Variants in HDAC9 observed in about 807,000 individuals in gnomAD.
HDAC9 encodes the protein MEF-2 interacting transcription repressor (MITR) protein.
Under a neutral mutation model 139.4 loss-of-function variants are expected in HDAC9, and 41 were observed. That is an observed-to-expected ratio of 0.29 (90% CI 0.23 to 0.38). The LOEUF is 0.38. Among genes scored for constraint, HDAC9 ranks in the 10% least tolerant of loss-of-function variants. The pLI is 1.00. For synonymous variants in HDAC9, 517 were observed against 476.2 expected (o/e 1.09, Z -1.12); for missense variants, 1,147 against 1,297.0 (o/e 0.88, Z 1.78).
chr7:18,669,456 C>T (rs1047033002), intron 12 of HDAC9, among the ~76,000 whole-genome samples: 9 of 151,728 alleles, frequency 5.9e-5, no homozygotes, highest in African/African-American at 1.7e-4. Context: ...GCAACTCTGC[C>T]GTATTCTAAG....
At chr7:18,354,350 C>T (rs1320137104) in intron 1 of HDAC9, among the ~76,000 whole-genome samples, 1 of 152,082 alleles carries the variant, frequency 6.6e-6, no homozygotes, top group African/African-American at 2.4e-5. Context: ...ATATGCAGGC[C>T]AGTCTTTACC....
Position 18,337,317 on chromosome 7 carries a change from C to G in HDAC9, c.-42+46802C>G, listed in dbSNP as rs957571722. 1.8e-3 allele frequency among the ~76,000 whole-genome samples: 270 copies of G among 151,702 alleles called. 3 individuals carry two copies. Among genetic ancestry groups the G allele is most frequent in the African/African-American group, 6.2e-3 (258 of 41,450 alleles). ...TTGGATAAAGAATCTCCAAAATATG[C>G]TTTAGCACTTTGAGTTAGCCTCTGT... On this transcript the variant is annotated intron_variant, in intron 1 of 3. Transcript: ENST00000413509.
At chr7:18,767,588 A>T (rs766963735) in intron 16 of HDAC9, among the ~76,000 whole-genome samples, 55 of 152,162 alleles carry the variant, frequency 3.6e-4, no homozygotes, top group Non-Finnish European at 4.0e-4. Flanking sequence ...AAACTTCACA[A>T]AGTGCTTTGC....
At chr7:18,832,437 A>G (rs1045216442) in intron 19 of HDAC9, among the ~76,000 whole-genome samples, 3 of 152,226 alleles carry the variant, frequency 2.0e-5, no homozygotes, top group African/African-American at 4.8e-5. Flanking sequence ...GTGAAAATAT[A>G]CAGGTTCTAA....
intron 6 of HDAC9, among the ~76,000 whole-genome samples, chr7:18,615,174 G>A (rs1158617590): frequency 6.6e-6 from 1 of 152,106 alleles, no homozygotes; most frequent in Non-Finnish European, 1.5e-5. Flanking sequence ...GACTGGAATT[G>A]TATCTCATAC....
chr7:18,437,149 C>T (rs1298704865), intron 1 of HDAC9, among the ~76,000 whole-genome samples: 1 of 152,036 alleles, frequency 6.6e-6, no homozygotes, highest in East Asian at 1.9e-4. Context: ...AAATGGTCTG[C>T]AGAAAGTAGC....
At chr7:18,357,615 T>C (rs566614157) in intron 1 of HDAC9, among the ~76,000 whole-genome samples, 4 of 151,422 alleles carry the variant, frequency 2.6e-5, no homozygotes, top group Non-Finnish European at 5.9e-5. Context: ...AAAAGGTCAG[T>C]AAGTATATAT....
intron 12 of HDAC9, among the ~76,000 whole-genome samples, chr7:18,719,788 G>C (rs1262779789): frequency 6.6e-6 from 1 of 152,138 alleles, no homozygotes; most frequent in Non-Finnish European, 1.5e-5. Context: ...TTTGTGTATG[G>C]CATGAGGAAT....
chr7:18,637,486 A>G (rs1320952738), intron 8 of HDAC9, among the ~76,000 whole-genome samples: 1 of 152,096 alleles, frequency 6.6e-6, no homozygotes, highest in African/African-American at 2.4e-5. Flanking sequence ...TCTCACTGCA[A>G]ACCTTTCCTT....
At chr7:18,130,531 A>G (rs964130974) in intron 1 of HDAC9, among the ~76,000 whole-genome samples, 3 of 152,118 alleles carry the variant, frequency 2.0e-5, no homozygotes, top group African/African-American at 7.2e-5. Flanking sequence ...TTTACATATC[A>G]TACAGTTCAA....
chr7:18,338,796 C>A (rs78099671), intron 1 of HDAC9, among the ~76,000 whole-genome samples: 3,631 of 151,206 alleles, frequency 0.024, 65 homozygotes, highest in East Asian at 0.064. Context: ...AGAAAGAGTC[C>A]TTAGTCTTTA....
chr7:18,352,401 A>T (rs530074048), intron 1 of HDAC9, among the ~76,000 whole-genome samples: 1 of 152,176 alleles, frequency 6.6e-6, no homozygotes, highest in Admixed American at 6.6e-5. Context: ...TTTGAAAACT[A>T]TTTGAGATAG....
chr7:18,222,779 T>C (rs763429888), intron 2 of HDAC9, among the ~76,000 whole-genome samples: 1 of 152,190 alleles, frequency 6.6e-6, no homozygotes, highest in Non-Finnish European at 1.5e-5. Context: ...TAATGACAGT[T>C]CTGTTTCTTA....
At chr7:18,890,498 G>A (rs1800585720) in intron 22 of HDAC9, among the ~76,000 whole-genome samples, 2 of 152,148 alleles carry the variant, frequency 1.3e-5, no homozygotes, top group South Asian at 4.1e-4. Context: ...TGATAGCCAA[G>A]CACACGTAAA....
At chr7:18,133,933 C>T (rs1267850986) in intron 1 of HDAC9, among the ~76,000 whole-genome samples, 2 of 64,236 alleles carry the variant, frequency 3.1e-5, no homozygotes, top group South Asian at 8.2e-4. Flanking sequence ...TACACGCGTG[C>T]ACACACACAC....
At chr7:18,448,145 G>A (rs926483181) in intron 1 of HDAC9, among the ~76,000 whole-genome samples, 1 of 152,152 alleles carries the variant, frequency 6.6e-6, no homozygotes, top group African/African-American at 2.4e-5. Flanking sequence ...GATTACGCGC[G>A]TGAGCCACCA....
intron 16 of HDAC9, among the ~76,000 whole-genome samples, chr7:18,774,190 A>G (rs1463398373): frequency 6.6e-6 from 1 of 152,060 alleles, no homozygotes; most frequent in African/African-American, 2.4e-5. Flanking sequence ...AAGTAAAATA[A>G]AGGAATTAAA....
At chr7:18,175,778 C>T (rs866232215) in intron 2 of HDAC9, among the ~76,000 whole-genome samples, 2 of 142,692 alleles carry the variant, frequency 1.4e-5, no homozygotes, top group African/African-American at 2.6e-5. Flanking sequence ...ACCCCCCCCC[C>T]CCTTTTTTTA....
intron 24 of HDAC9, among the ~76,000 whole-genome samples, chr7:18,967,505 CCAA>C (rs1563092925): frequency 1.5e-5 from 2 of 136,944 alleles, no homozygotes; most frequent in African/African-American, 5.5e-5. Context: ...TGCCCCCCCC[CCAA>C]AAAAAAAAAA....
Sources: gnomAD v4.1 joint callset for allele counts (sites outside exome capture counted in the v4.1 genomes callset) on GRCh38, gnomAD v4.1.1 for gene constraint, MANE v1.5 for transcripts, NCBI Gene and HGNC (gene_info 2026-07-23, HGNC 2026-07-21) for gene names.